Variants in FSHR observed in about 807,000 individuals in gnomAD.
The protein encoded by FSHR is follicle stimulating hormone receptor.
FSHR carries 46 observed loss-of-function variants against 52.1 expected under a neutral mutation model. That is an observed-to-expected ratio of 0.88 (90% CI 0.70 to 1.13). The LOEUF is 1.13. Among genes scored for constraint, FSHR ranks in the 50% most tolerant of loss-of-function variants. The pLI, the probability that FSHR is intolerant of heterozygous loss-of-function variation, is 0.00. For missense variants in FSHR, 964 were observed against 834.6 expected (o/e 1.16, Z -1.91); for synonymous variants, 399 against 309.6 (o/e 1.29, Z -3.03).
rs756968508 is a variant in FSHR, at chr2:49,154,404, AGGAGCAG to A, written c.7_13del (p.Leu3TrpfsTer8). The A allele has an allele frequency of 6.2e-7, 1 of 1,612,642 alleles. No individual in the cohort carries two copies. Among genetic ancestry groups the A allele is most frequent in the South Asian group, 1.1e-5 (1 of 91,002 alleles). ...GCTCAGGAATGCCAGCAAAGAGACC[AGGAGCAG>A]GGCCATAATTATGCATCCATCCACC... On this transcript the variant is annotated frameshift_variant, in exon 1 of 10. Coordinates refer to ENST00000406846, the MANE Select transcript of FSHR (RefSeq NM_000145.4). LOFTEE classifies it high-confidence loss of function.
intron 1 of FSHR, among the ~76,000 whole-genome samples, chr2:49,113,202 A>G (rs1040666134): frequency 2.0e-5 from 3 of 152,302 alleles, no homozygotes; most frequent in African/African-American, 7.2e-5. Flanking sequence ...GTGGGGCTCC[A>G]AGTCCCCAGA....
In FSHR at chr2:49,021,855, C is replaced by CTATA. The variant is rs1357200388; in HGVS notation, c.225-1696_225-1695insTATA. Among the ~76,000 whole-genome samples the CTATA allele has an allele frequency of 1.6e-4, 6 of 36,812 alleles. No individual in the cohort carries two copies. In the Admixed American group the frequency reaches 2.3e-3, roughly 14 times the overall value. 24.2% of individuals were successfully genotyped at this position (36,812 alleles called of 152,430 possible). ...TTTCTCTCTCTCTCTCTCTCTCTCT[C>CTATA]TCTCTCTCTATATATATATATATAT... On this transcript the variant is annotated intron_variant, in intron 2 of 9. Transcript: ENST00000406846.
chr2:49,097,712 G>T (rs1178207159), intron 1 of FSHR, among the ~76,000 whole-genome samples: 5 of 152,168 alleles, frequency 3.3e-5, no homozygotes, highest in Non-Finnish European at 2.9e-5. Flanking sequence ...AGAGGTACTG[G>T]TTTCTGAAGT....
chr2:49,066,015 T>C (rs1669490512), intron 2 of FSHR, among the ~76,000 whole-genome samples: 1 of 152,052 alleles, frequency 6.6e-6, no homozygotes, highest in Non-Finnish European at 1.5e-5. Context: ...AACTGTGGTA[T>C]TTTTGAGATC....
chr2:49,084,513 A>C (rs532869254), intron 1 of FSHR, among the ~76,000 whole-genome samples: 14 of 152,130 alleles, frequency 9.2e-5, no homozygotes, highest in African/African-American at 3.4e-4. Flanking sequence ...AACTGAAGGA[A>C]ATAGAGACAA....
At chr2:49,088,556 C>A (rs974779993) in intron 1 of FSHR, among the ~76,000 whole-genome samples, 8 of 152,290 alleles carry the variant, frequency 5.3e-5, no homozygotes, top group African/African-American at 1.9e-4. Context: ...TTTAATGATT[C>A]ACTGTAGTTT....
In FSHR at chr2:48,965,992, G is replaced by A. The variant is rs926995773; in HGVS notation, c.855-2026C>T. Among the ~76,000 whole-genome samples the A allele has an allele frequency of 3.9e-5, 6 of 152,152 alleles. No homozygotes were observed. The East Asian group carries it at 9.6e-4, about 24-fold the overall frequency. On this transcript the variant is annotated intron_variant, in intron 9 of 9. Coordinates refer to ENST00000406846, the MANE Select transcript of FSHR (RefSeq NM_000145.4). ...AGTCAGTGAACAGATGCTTGGGGGT[G>A]GCATAGCAGTGTCGCAGAGCCTAAG...
At chr2:49,021,859 C>A (rs868545213) in intron 2 of FSHR, among the ~76,000 whole-genome samples, 2,210 of 37,674 alleles carry the variant, frequency 0.059, 34 homozygotes, top group East Asian at 0.11. Context: ...CTCTCTCTCT[C>A]TCTCTATATA....
At chr2:49,148,714 TATA>T (rs1406977223) in intron 1 of FSHR, among the ~76,000 whole-genome samples, 1 of 152,000 alleles carries the variant, frequency 6.6e-6, no homozygotes, top group African/African-American at 2.4e-5. Context: ...TGAGCAAGAT[TATA>T]ATAAGGCTGA....
chr2:49,003,675 C>G (rs1489693891), intron 4 of FSHR, among the ~76,000 whole-genome samples: 1 of 152,036 alleles, frequency 6.6e-6, no homozygotes, highest in African/African-American at 2.4e-5. Context: ...GGGCGAGGAC[C>G]AGGTGCAAGC....
chr2:49,008,532 G>T (rs1209166450), intron 4 of FSHR, among the ~76,000 whole-genome samples: 1 of 151,778 alleles, frequency 6.6e-6, no homozygotes, highest in Non-Finnish European at 1.5e-5. Context: ...AGTCCCTTGG[G>T]TATATACCCA....
chr2:49,072,364 A>T (rs67566459), intron 1 of FSHR, among the ~76,000 whole-genome samples: 36,141 of 152,088 alleles, frequency 0.24, 4,390 homozygotes, highest in South Asian at 0.31. Context: ...CTCATTGGAT[A>T]TAGGTAAATT....
chr2:48,991,726 G>A (rs374970046), intron 4 of FSHR, among the ~76,000 whole-genome samples: 62 of 152,286 alleles, frequency 4.1e-4, no homozygotes, highest in African/African-American at 1.3e-3. Flanking sequence ...AGGCACATAC[G>A]AATTATTGGA....
intron 1 of FSHR, among the ~76,000 whole-genome samples, chr2:49,097,416 C>T (rs1013561605): frequency 7.9e-5 from 12 of 152,126 alleles, no homozygotes; most frequent in African/African-American, 2.9e-4. Flanking sequence ...ACAATTTTGG[C>T]TTTTGTATTT....
chr2:49,130,091 C>T (rs1043694803), intron 1 of FSHR, among the ~76,000 whole-genome samples: 2 of 152,160 alleles, frequency 1.3e-5, no homozygotes, highest in Admixed American at 6.6e-5. Flanking sequence ...TTCCTGGGTT[C>T]AAATCCTGGA....
At chr2:49,028,575 A>G (rs185116768) in intron 2 of FSHR, among the ~76,000 whole-genome samples, 517 of 152,268 alleles carry the variant, frequency 3.4e-3, no homozygotes, top group Non-Finnish European at 5.6e-3. Flanking sequence ...TCAAAAATCA[A>G]TTTCCCTCCT....
At chr2:49,009,619 G>A (rs1197948286) in intron 4 of FSHR, among the ~76,000 whole-genome samples, 1 of 149,492 alleles carries the variant, frequency 6.7e-6, no homozygotes, top group African/African-American at 2.5e-5. Context: ...ACCTTGGGCA[G>A]TATGGCCATT....
intron 1 of FSHR, among the ~76,000 whole-genome samples, chr2:49,106,514 C>T (rs1671229558): frequency 6.6e-6 from 1 of 152,134 alleles, no homozygotes; most frequent in African/African-American, 2.4e-5. Context: ...GGATTTTCTT[C>T]AGAGGTACAG....
intron 1 of FSHR, among the ~76,000 whole-genome samples, chr2:49,075,149 C>T (rs1208730413): frequency 6.6e-6 from 1 of 151,900 alleles, no homozygotes; most frequent in African/African-American, 2.4e-5. Context: ...CTATAGTTAA[C>T]AATAATATAT....
Sources: allele counts gnomAD v4.1 joint callset (sites outside exome capture counted in the v4.1 genomes callset), GRCh38; gene constraint gnomAD v4.1.1; transcripts MANE v1.5; gene names NCBI Gene and HGNC (gene_info 2026-07-23, HGNC 2026-07-21).